The following GAREM1 variants were observed in gnomAD, a reference collection of about 807,000 sequenced individuals.
GAREM1 encodes the protein GRB2-associated and regulator of MAPK protein 1.
A neutral mutation model predicts 71.3 loss-of-function variants in GAREM1; 26 were observed. That is an observed-to-expected ratio of 0.36 (90% confidence interval 0.27 to 0.51). GAREM1 has a LOEUF of 0.51. GAREM1 is among the 20% of genes least tolerant of loss of function. The pLI, the probability that GAREM1 is intolerant of heterozygous loss-of-function variation, is 0.95. For synonymous variants in GAREM1, 440 were observed against 433.2 expected, an observed-to-expected ratio of 1.02 and a Z score of -0.20; for missense variants, 1,026 against 1,103.1, an observed-to-expected ratio of 0.93 and a Z score of 0.99.
At chr18:32,318,265 G>C (rs1010214257) in intron 2 of GAREM1, among the ~76,000 whole-genome samples, 3 of 152,158 alleles carry the variant, frequency 2.0e-5, no homozygotes, top group Non-Finnish European at 4.4e-5. Context: ...CTGACATTAT[G>C]AAATAACCGT....
chr18:32,351,725 G>A (rs7243964), intron 2 of GAREM1, among the ~76,000 whole-genome samples: 32,991 of 149,340 alleles, frequency 0.22, 5,042 homozygotes, highest in African/African-American at 0.44. Context: ...TACTTACACA[G>A]ACAGAACACA....
At chr18:32,358,594 A>G (rs78204733) in intron 2 of GAREM1, among the ~76,000 whole-genome samples, 15,286 of 152,132 alleles carry the variant, frequency 0.1, 829 homozygotes, top group Non-Finnish European at 0.12. Context: ...ACCTTTTCCC[A>G]CACCAAATGT....
In GAREM1 at chr18:32,364,010, ATATATATATATATATATGTTTTTTT is replaced by A. The variant is rs1347141703; in HGVS notation, c.262+28860_262+28884del. 6.3e-3 allele frequency among the ~76,000 whole-genome samples: 301 copies of A among 47,950 alleles called. 8 individuals are homozygous for A. Among genetic ancestry groups the A allele is most frequent in the African/African-American group, 0.034 (292 of 8,680 alleles). 31.5% of individuals were successfully genotyped at this position (47,950 alleles called of 152,430 possible). A position where few individuals can be genotyped will look rare whatever the true frequency, so the allele number is the denominator to read the frequency against. ...TACATATATACATATATATATATAT[ATATATATATATATATATGTTTTTTT>A]TTTTTTTTTTTTTTTGTGAGACACA... On this transcript the variant is annotated intron_variant, in intron 2 of 5. Transcript: ENST00000269209.
At chr18:32,276,216 C>A (rs903501017) in intron 4 of GAREM1, among the ~76,000 whole-genome samples, 1 of 152,224 alleles carries the variant, frequency 6.6e-6, no homozygotes, top group Non-Finnish European at 1.5e-5. Context: ...CTGAAATAAT[C>A]TAATAATGGG....
intron 1 of GAREM1, among the ~76,000 whole-genome samples, chr18:32,457,077 T>C (rs570889313): frequency 1.3e-5 from 2 of 151,610 alleles, no homozygotes; most frequent in South Asian, 4.2e-4. Context: ...TTGGATTATG[T>C]AGGTGGGCTG....
intron 2 of GAREM1, among the ~76,000 whole-genome samples, chr18:32,320,825 T>C (rs1209882074): frequency 1.3e-5 from 2 of 152,212 alleles, no homozygotes; most frequent in Admixed American, 1.3e-4. Context: ...TTTCATTGTA[T>C]CTCACTGGTT....
At chr18:32,400,182 T>C (rs1220240365) in intron 1 of GAREM1, among the ~76,000 whole-genome samples, 1 of 152,192 alleles carries the variant, frequency 6.6e-6, no homozygotes, top group African/African-American at 2.4e-5. Flanking sequence ...TCAAGATGGA[T>C]TAAAGACTTA....
At chr18:32,337,808 G>A (rs2047611943) in intron 2 of GAREM1, among the ~76,000 whole-genome samples, 1 of 152,162 alleles carries the variant, frequency 6.6e-6, no homozygotes, top group Non-Finnish European at 1.5e-5. Flanking sequence ...TTAGTGGGTG[G>A]TTTTCTCAAT....
At position 32,270,248 on chromosome 18, in the gene GAREM1, A is replaced by C. The variant is rs1467523629; in HGVS notation, c.1702T>G (p.Leu568Val). 1.2e-6 allele frequency: 2 copies of C among 1,614,002 alleles called. No individual in the cohort carries two copies. The highest frequency in any genetic ancestry group is 1.7e-5 in the Admixed American group (1 of 59,986). The change falls in exon 5 of 6, where the codon TTG (leucine) becomes GTG (valine). Residue 568 changes from leucine to valine, a missense_variant. By Grantham distance (32) the Leu-to-Val change is conservative (BLOSUM62 1). Transcript: ENST00000269209. ...RQQTRSPSPT[L>V]SYYSSGLHNI... ...TGTAGCCCTGAAGAATAGTAGGACA[A>C]GGTGGGGCTGGGAGAGCGAGTCTGT... is the stretch of plus-strand genomic sequence containing the variant.
At position 32,379,144 on chromosome 18, in the gene GAREM1, T is replaced by C. The variant is rs145916266; in HGVS notation, c.262+13751A>G. Reference sequence around the variant, plus strand: ...AGAAAAGGACAGTTTCTATATTAAATGAGATAACAGCAGTGTATAAAAGCC... The same window carrying C: ...AGAAAAGGACAGTTTCTATATTAAACGAGATAACAGCAGTGTATAAAAGCC... On this transcript the variant is annotated intron_variant, in intron 2 of 5. Coordinates refer to ENST00000269209, the MANE Select transcript of GAREM1 (RefSeq NM_001242409.2). 3.2e-3 allele frequency among the ~76,000 whole-genome samples: 491 copies of C among 152,018 alleles called. 1 individual carries two copies. The highest frequency in any genetic ancestry group is 5.1e-3 in the Non-Finnish European group (349 of 67,948).
At chr18:32,454,424 A>G (rs1236329571) in intron 1 of GAREM1, among the ~76,000 whole-genome samples, 1 of 152,152 alleles carries the variant, frequency 6.6e-6, no homozygotes, top group Non-Finnish European at 1.5e-5. Context: ...GAAATATGTT[A>G]ATTTCCATTC....
At chr18:32,331,428 T>C (rs974158670) in intron 2 of GAREM1, among the ~76,000 whole-genome samples, 1 of 152,238 alleles carries the variant, frequency 6.6e-6, no homozygotes, top group African/African-American at 2.4e-5. Flanking sequence ...GTTAACACTA[T>C]GTAAAAACAC....
chr18:32,414,415 T>G (rs1336665506), intron 1 of GAREM1, among the ~76,000 whole-genome samples: 1 of 151,952 alleles, frequency 6.6e-6, no homozygotes, highest in Non-Finnish European at 1.5e-5. Flanking sequence ...AAGGGCAATC[T>G]AATTGAAGAA....
intron 1 of GAREM1, among the ~76,000 whole-genome samples, chr18:32,457,747 T>C (rs376674067): frequency 2.0e-5 from 3 of 152,266 alleles, no homozygotes; most frequent in South Asian, 2.1e-4. Context: ...GAGTGATATG[T>C]ACTTTTTTAA....
At chr18:32,272,245 A>G (rs1208536373) in intron 4 of GAREM1, among the ~76,000 whole-genome samples, 1 of 152,196 alleles carries the variant, frequency 6.6e-6, no homozygotes, top group Non-Finnish European at 1.5e-5. Context: ...ACCAGCCATT[A>G]AGAAGACTCA....
chr18:32,322,329 A>T (rs2047436364), intron 2 of GAREM1, among the ~76,000 whole-genome samples: 1 of 152,162 alleles, frequency 6.6e-6, no homozygotes, highest in Admixed American at 6.5e-5. Flanking sequence ...GGCCTCCAAG[A>T]TCTGGCTCTC....
At chr18:32,453,868 C>T (rs1285539575) in intron 1 of GAREM1, among the ~76,000 whole-genome samples, 4 of 152,076 alleles carry the variant, frequency 2.6e-5, no homozygotes. Context: ...CTATTGAACA[C>T]CTACATGTTA....
Position 32,267,920 on chromosome 18 carries a change from T to G in GAREM1, c.2582A>C (p.Gln861Pro). The G allele has an allele frequency of 1.2e-6, 2 of 1,613,972 alleles. No homozygotes were observed. The highest frequency in any genetic ancestry group is 1.7e-6 in the Non-Finnish European group (2 of 1,179,890). The change falls in exon 6 of 6, where the codon CAG (glutamine) becomes CCG (proline). Residue 861 changes from glutamine (Q) to proline (P), a missense_variant. Physicochemically the swap from Gln to Pro is moderately conservative, Grantham distance 76 (BLOSUM62 -1). Transcript: ENST00000269209. ...LSEDFKLSKL[Q>P]VKKIMQFING... The stretch of plus-strand genomic sequence containing the variant: ...AATGAATTGCATTATCTTCTTCACC[T>G]GCAATTTGCTCAATTTGAAATCCTC...
chr18:32,407,875 C>T (rs184121343), intron 1 of GAREM1, among the ~76,000 whole-genome samples: 57 of 152,128 alleles, frequency 3.7e-4, no homozygotes, highest in East Asian at 5.8e-4. Flanking sequence ...CTGAAATTGA[C>T]GCACAGGAGC....
Sources: allele counts gnomAD v4.1 joint callset (sites outside exome capture counted in the v4.1 genomes callset), GRCh38; gene constraint gnomAD v4.1.1; transcripts MANE v1.5; gene names NCBI Gene and HGNC (gene_info 2026-07-23, HGNC 2026-07-21).